Variants in ZDHHC3 observed in about 807,000 individuals in gnomAD.
The protein encoded by ZDHHC3 is zDHHC palmitoyltransferase 3.
A neutral mutation model predicts 30.6 loss-of-function variants in ZDHHC3; 9 were observed. The ratio of observed to expected loss-of-function variants is 0.29; its 90% CI spans 0.18 to 0.51. The LOEUF (loss-of-function observed/expected upper bound fraction) is 0.51, where lower values mean the gene tolerates loss of function less well. Among genes scored for constraint, ZDHHC3 ranks in the 20% least tolerant of loss-of-function variants. The pLI, the probability that ZDHHC3 is intolerant of heterozygous loss-of-function variation, is 0.97. For synonymous variants in ZDHHC3, 136 were observed against 140.2 expected, an observed-to-expected ratio of 0.97 and a Z score of 0.21; for missense variants, 246 against 384.2, an observed-to-expected ratio of 0.64 and a Z score of 3.01.
In ZDHHC3 at chr3:44,924,850, T is replaced by C. The variant is rs955038555; in HGVS notation, c.*1839A>G. 2.5e-5 allele frequency: 25 copies of C among 985,456 alleles called. No homozygotes were observed. In the African/African-American group the frequency reaches 4.2e-4, roughly 17 times the overall value. The allele number at this position is 985,456 out of a possible 1,614,324, so 61.0% of individuals were successfully genotyped here. A position where few individuals can be genotyped will look rare whatever the true frequency, so the allele number is the denominator to read the frequency against. ...AAACAGCATTCTTTTCTTTTTAATC[T>C]TAGCATCTCAGCCTCGCCCGTATCG... On this transcript the variant is annotated 3_prime_UTR_variant, in exon 7 of 7. Transcript: ENST00000424952.
intron 2 of ZDHHC3, among the ~76,000 whole-genome samples, chr3:44,955,101 G>A (rs527781332): frequency 6.6e-6 from 1 of 152,300 alleles, no homozygotes; most frequent in Non-Finnish European, 1.5e-5. Context: ...AGCCTGACTT[G>A]TGCTCCTGCC....
intron 1 of ZDHHC3, among the ~76,000 whole-genome samples, chr3:44,967,627 C>T (rs1029726444): frequency 7.2e-5 from 11 of 152,124 alleles, no homozygotes; most frequent in Admixed American, 2.6e-4. Context: ...ATTTGGGTAA[C>T]ACGGTCTACT....
chr3:44,958,770 C>T, intron 2 of ZDHHC3: 1 of 1,161,088 alleles, frequency 8.6e-7, no homozygotes, highest in African/African-American at 1.5e-5. Context: ...CCCAACCCTC[C>T]AGCATGCTTT....
intron 5 of ZDHHC3, among the ~76,000 whole-genome samples, chr3:44,932,056 C>A (rs539705211): frequency 6.6e-6 from 1 of 152,130 alleles, no homozygotes; most frequent in African/African-American, 2.4e-5. Context: ...GTTAACTTGA[C>A]GAGAGGTGGG....
At chr3:44,928,432 C>G (rs1404835658) in intron 6 of ZDHHC3, among the ~76,000 whole-genome samples, 1 of 152,154 alleles carries the variant, frequency 6.6e-6, no homozygotes, top group African/African-American at 2.4e-5. Context: ...CAAACCTTCA[C>G]CCAGAGCCCT....
Position 44,959,534 on chromosome 3 carries a change from A to C in ZDHHC3, c.-24-74T>G. The C allele has an allele frequency of 7.2e-7, 1 of 1,380,354 alleles. No homozygotes were observed. The highest frequency in any genetic ancestry group is 1.4e-5 in the South Asian group (1 of 73,188). 85.5% of individuals were successfully genotyped at this position (1,380,354 alleles called of 1,614,324 possible). On this transcript the variant is annotated intron_variant, in intron 1 of 6. Transcript: ENST00000424952. This position sits in a 1 kb window ranked among gnomAD's most constrained non-coding sequence, Gnocchi z 4.3. ...AAGGAGGTTTGACAAAATTGCTCCC[A>C]TAGTGAGTTGTGATTACTTATCTGC...
intron 1 of ZDHHC3, among the ~76,000 whole-genome samples, chr3:44,961,978 C>G (rs1704518979): frequency 6.6e-6 from 1 of 152,190 alleles, no homozygotes; most frequent in African/African-American, 2.4e-5. Context: ...ATGCCTGGTT[C>G]TAAGCAGTTG....
intron 1 of ZDHHC3, among the ~76,000 whole-genome samples, chr3:44,971,415 G>A (rs1705393068): frequency 6.6e-6 from 1 of 152,236 alleles, no homozygotes; most frequent in Non-Finnish European, 1.5e-5. Flanking sequence ...TGACAGCCAT[G>A]AATGAACTGG....
chr3:44,923,291 T>A lies in ZDHHC3; in HGVS notation c.*3398A>T. The A allele has an allele frequency of 1.1e-6, 1 of 948,258 alleles. No individual in the cohort carries two copies. The highest frequency in any genetic ancestry group is 1.3e-6 in the Non-Finnish European group (1 of 796,138). 58.7% of individuals were successfully genotyped at this position (948,258 alleles called of 1,614,324 possible). The stretch of plus-strand genomic sequence containing the variant: ...CAGGGTTTCACCGTGTTAGCCAGGA[T>A]GATCTCGATCTCTTGACCTCGTGAT... On this transcript the variant is annotated 3_prime_UTR_variant, in exon 7 of 7. Coordinates refer to ENST00000424952, the MANE Select transcript of ZDHHC3 (RefSeq NM_001135179.2).
chr3:44,951,913 C>T (rs1000068135), intron 2 of ZDHHC3, among the ~76,000 whole-genome samples: 2 of 152,062 alleles, frequency 1.3e-5, no homozygotes, highest in South Asian at 2.1e-4. Context: ...TCCCGCCCAT[C>T]CAGGCTACTG....
intron 5 of ZDHHC3, among the ~76,000 whole-genome samples, chr3:44,932,082 T>C (rs1701542575): frequency 6.6e-6 from 1 of 152,234 alleles, no homozygotes; most frequent in African/African-American, 2.4e-5. Context: ...TTTGGGATGA[T>C]AAAATATCCT....
At chr3:44,933,575 A>C in intron 4 of ZDHHC3, 1 of 531,544 alleles carries the variant, frequency 1.9e-6, no homozygotes, top group Non-Finnish European at 3.4e-6. Flanking sequence ...GACTCCACCT[A>C]CCTGCACCTC....
In ZDHHC3 at chr3:44,917,432, A is replaced by G. The variant is rs1159164609; in HGVS notation, c.*9257T>C. 4 of 173,436 alleles carry G rather than the reference A, an allele frequency of 2.3e-5. No homozygotes were observed. The highest frequency in any genetic ancestry group is 5.0e-5 in the Non-Finnish European group (4 of 79,332). The allele number at this position is 173,436 out of a possible 1,614,324, so 10.7% of individuals were successfully genotyped here. A position where few individuals can be genotyped will look rare whatever the true frequency, so the allele number is the denominator to read the frequency against. On this transcript the variant is annotated 3_prime_UTR_variant, in exon 7 of 7. Coordinates refer to ENST00000424952, the MANE Select transcript of ZDHHC3 (RefSeq NM_001135179.2). ...GTCAGTGTCCCAACCCAGGTCCCCA[A>G]GGCAAGCCCTGCCCGGTCCTTCTGT...
chr3:44,917,784 A>G lies in ZDHHC3; in HGVS notation c.*8905T>C. 8.4e-7 allele frequency: 1 copy of G among 1,196,574 alleles called. No individual in the cohort carries two copies. The highest frequency in any genetic ancestry group is 1.1e-6 in the Non-Finnish European group (1 of 927,252). The allele number at this position is 1,196,574 out of a possible 1,614,324, so 74.1% of individuals were successfully genotyped here. A position where few individuals can be genotyped will look rare whatever the true frequency, so the allele number is the denominator to read the frequency against. Reference sequence around the variant, plus strand: ...GCAAGGCCAAGCGAGTGGCTAAGGGAAGCACTGGGGGTGCTGGGAGCGCAC... The same window carrying G: ...GCAAGGCCAAGCGAGTGGCTAAGGGGAGCACTGGGGGTGCTGGGAGCGCAC... On this transcript the variant is annotated 3_prime_UTR_variant, in exon 7 of 7. Transcript: ENST00000424952.
intron 3 of ZDHHC3, among the ~76,000 whole-genome samples, chr3:44,942,314 G>C (rs531583917): frequency 1.3e-5 from 2 of 152,348 alleles, no homozygotes; most frequent in East Asian, 3.9e-4. Context: ...TCCCCAGATG[G>C]CCTGGGCCAC....
intron 3 of ZDHHC3, among the ~76,000 whole-genome samples, chr3:44,941,921 A>G (rs1702475206): frequency 6.6e-6 from 1 of 152,242 alleles, no homozygotes; most frequent in African/African-American, 2.4e-5. Context: ...CATCCACATT[A>G]GCATAAATGG....
At chr3:44,949,498 T>C (rs1332628602) in intron 2 of ZDHHC3, among the ~76,000 whole-genome samples, 8 of 152,152 alleles carry the variant, frequency 5.3e-5, no homozygotes, top group African/African-American at 1.9e-4. Context: ...ACTATATTTA[T>C]GAAATATTCT....
chr3:44,964,426 G>C (rs1469033673), intron 1 of ZDHHC3, among the ~76,000 whole-genome samples: 1 of 152,188 alleles, frequency 6.6e-6, no homozygotes, highest in Non-Finnish European at 1.5e-5. Context: ...AGGATGACCA[G>C]GGCTGTGTGC....
rs1157530012 is a variant in ZDHHC3, at chr3:44,923,931, G to A, written c.*2758C>T. 1 of 985,352 alleles carries A rather than the reference G, an allele frequency of 1.0e-6. No individual in the cohort carries two copies. Among genetic ancestry groups the A allele is most frequent in the Admixed American group, 6.1e-5 (1 of 16,274 alleles). 61.0% of individuals were successfully genotyped at this position (985,352 alleles called of 1,614,324 possible). Reference sequence around the variant, plus strand: ...TACCAAGCCCATGCAAATATGCATAGATTATAGATTTGCTTGGATCTAAGC... The same window carrying A: ...TACCAAGCCCATGCAAATATGCATAAATTATAGATTTGCTTGGATCTAAGC... On this transcript the variant is annotated 3_prime_UTR_variant, in exon 7 of 7. Coordinates refer to ENST00000424952, the MANE Select transcript of ZDHHC3 (RefSeq NM_001135179.2).
Sources: allele counts gnomAD v4.1 joint callset (sites outside exome capture counted in the v4.1 genomes callset), GRCh38; gene constraint gnomAD v4.1.1; non-coding constraint Gnocchi (gnomAD v3.1); transcripts MANE v1.5; gene names NCBI Gene and HGNC (gene_info 2026-07-23, HGNC 2026-07-21).